Variants in SETBP1 observed in about 807,000 individuals in gnomAD.
SETBP1 encodes SET-binding protein.
Under a neutral mutation model 101.0 loss-of-function variants are expected in SETBP1, and 9 were observed. The ratio of observed to expected loss-of-function variants is 0.09; its 90% confidence interval spans 0.05 to 0.16. The LOEUF (loss-of-function observed/expected upper bound fraction) is 0.16. Among genes scored for constraint, SETBP1 ranks in the 10% least tolerant of loss-of-function variants. The probability of loss-of-function intolerance (pLI) is 1.00; values close to 1 mark genes in which losing one functional copy is unlikely to be tolerated. For missense variants in SETBP1, 1,858 were observed against 2,033.8 expected (o/e 0.91, Z 1.66); for synonymous variants, 818 against 788.5 (o/e 1.04, Z -0.63).
chr18:44,862,689 A>G (rs1052280074), intron 2 of SETBP1, among the ~76,000 whole-genome samples: 1 of 152,238 alleles, frequency 6.6e-6, no homozygotes, highest in African/African-American at 2.4e-5. Context: ...TAACAGATCC[A>G]TAGTACAAGA....
chr18:45,037,321 T>C (rs2073417633), intron 4 of SETBP1, among the ~76,000 whole-genome samples: 1 of 152,322 alleles, frequency 6.6e-6, no homozygotes, highest in East Asian at 1.9e-4. Context: ...CCATATATTC[T>C]TAGTCATGTC....
Position 44,829,773 on chromosome 18 carries a change from G to A in SETBP1, c.487-39457G>A, listed in dbSNP as rs371883516. ...CCTTGTCTTTAATCTCTTTGATGTG[G>A]CACAGTCCCACTTATAAAATTTGGC... On this transcript the variant is annotated intron_variant, in intron 2 of 5. Coordinates refer to ENST00000649279, the MANE Select transcript of SETBP1 (RefSeq NM_015559.3). 9.9e-5 allele frequency among the ~76,000 whole-genome samples: 15 copies of A among 152,280 alleles called. No homozygotes were observed. In the East Asian group the frequency reaches 2.9e-3, roughly 29 times the overall value.
chr18:44,955,113 C>T (rs778711255), intron 4 of SETBP1, among the ~76,000 whole-genome samples: 3 of 152,200 alleles, frequency 2.0e-5, no homozygotes, highest in Admixed American at 6.5e-5. Flanking sequence ...AACGATTTTA[C>T]GAGGATTTGT....
chr18:44,943,947 G>A (rs1337965573), intron 3 of SETBP1, among the ~76,000 whole-genome samples: 1 of 151,014 alleles, frequency 6.6e-6, no homozygotes, highest in Admixed American at 6.6e-5. Flanking sequence ...TGATTCTACT[G>A]CCTCAGCCTC....
intron 2 of SETBP1, among the ~76,000 whole-genome samples, chr18:44,818,778 C>T (rs2072039955): frequency 6.6e-6 from 1 of 150,832 alleles, no homozygotes; most frequent in Non-Finnish European, 1.5e-5. Context: ...CACACACACA[C>T]ACTCCTCACC....
chr18:44,868,706 GGAAGGGAGGAA>G (rs2069191548), intron 2 of SETBP1, among the ~76,000 whole-genome samples: 1 of 17,772 alleles, frequency 5.6e-5, no homozygotes, highest in Non-Finnish European at 1.3e-4. Context: ...GAGGACGGAA[GGAAGGGAGGAA>G]GGAAGGAAGG....
At chr18:44,871,914 T>C (rs1057277569) in intron 3 of SETBP1, 2 of 152,200 alleles carry the variant, frequency 1.3e-5, no homozygotes, top group African/African-American at 4.8e-5. Context: ...CTGGTGCTGG[T>C]AGGCGGTACT....
chr18:44,891,219 C>G (rs2069762119), intron 3 of SETBP1, among the ~76,000 whole-genome samples: 1 of 152,064 alleles, frequency 6.6e-6, no homozygotes, highest in South Asian at 2.1e-4. Context: ...CTCCATGATT[C>G]AATTACCTCC....
At chr18:44,723,502 G>A (rs576663829) in intron 2 of SETBP1, among the ~76,000 whole-genome samples, 72 of 152,122 alleles carry the variant, frequency 4.7e-4, no homozygotes, top group Non-Finnish European at 9.3e-4. Context: ...GACAGTCGGC[G>A]GGGGGAAAAA....
chr18:44,745,014 G>A (rs922539189), intron 2 of SETBP1, among the ~76,000 whole-genome samples: 1 of 152,084 alleles, frequency 6.6e-6, no homozygotes, highest in Non-Finnish European at 1.5e-5. Context: ...TGCAAGCTGG[G>A]CCTCCCTTTG....
At position 44,950,747 on chromosome 18, in the gene SETBP1, A is replaced by C; in HGVS notation, c.1407A>C (p.Lys469Asn). ...ATCCCCGTGTCCCTAAGTTGAGTAA[A>C]ATGATAGAGAATGAGTCCCCCTCAG... ...KKDPRVPKLS[K>N]MIENESPSVG... The change falls in exon 4 of 6, where the codon AAA becomes AAC. Residue 469 changes from lysine (K) to asparagine (N), a missense_variant. Physicochemically the swap from Lys to Asn is moderately conservative, Grantham distance 94. This residue lies in a region of SETBP1 where 581 missense variants were observed against 535.1 expected (regional missense o/e 1.09). Transcript: ENST00000649279. 6.2e-7 allele frequency: 1 copy of C among 1,614,132 alleles called. No homozygotes were observed. Among genetic ancestry groups the C allele is most frequent in the South Asian group, 1.1e-5 (1 of 91,076 alleles).
rs575377629 is a variant in SETBP1, at chr18:44,995,304, A to G, written c.4000+41964A>G. 8.3e-4 allele frequency among the ~76,000 whole-genome samples: 126 copies of G among 151,576 alleles called. 1 individual carries two copies. Among genetic ancestry groups the G allele is most frequent in the Admixed American group, 4.6e-4 (7 of 15,220 alleles). On this transcript the variant is annotated intron_variant, in intron 4 of 5. Transcript: ENST00000649279. ...CTACAGGCACCTGCCACCATGCCCGACTAATTTTTTGTATTTTTAGTAGAG... is the reference window on the plus strand; with the variant it reads ...CTACAGGCACCTGCCACCATGCCCGGCTAATTTTTTGTATTTTTAGTAGAG...
chr18:44,857,072 T>G (rs767694303), intron 2 of SETBP1, among the ~76,000 whole-genome samples: 2 of 152,256 alleles, frequency 1.3e-5, no homozygotes, highest in African/African-American at 2.4e-5. Context: ...TGAGAATAGT[T>G]GCACAGCATT....
intron 3 of SETBP1, chr18:44,876,747 A>G: frequency 2.0e-6 from 3 of 1,527,602 alleles, no homozygotes; most frequent in Non-Finnish European, 2.6e-6. Context: ...GGGCACAAGA[A>G]GTATAACTTC....
chr18:44,803,154 G>A (rs1052562138), intron 2 of SETBP1, among the ~76,000 whole-genome samples: 1 of 152,132 alleles, frequency 6.6e-6, no homozygotes, highest in African/African-American at 2.4e-5. Flanking sequence ...CTTAGGAACC[G>A]AGAGTAATGA....
chr18:44,953,675 G>C (rs4890494), intron 4 of SETBP1, among the ~76,000 whole-genome samples: 1 of 152,148 alleles, frequency 6.6e-6, no homozygotes. Flanking sequence ...ACAGTTTGCT[G>C]TTTGGATACA....
At chr18:44,934,522 G>T (rs1371700932) in intron 3 of SETBP1, among the ~76,000 whole-genome samples, 1 of 152,100 alleles carries the variant, frequency 6.6e-6, no homozygotes, top group African/African-American at 2.4e-5. Flanking sequence ...AGGCAAAGCT[G>T]GGATTCGAAC....
chr18:45,005,944 CCT>C (rs2072716457), intron 4 of SETBP1, among the ~76,000 whole-genome samples: 1 of 137,422 alleles, frequency 7.3e-6, no homozygotes, highest in Non-Finnish European at 1.5e-5. Context: ...CTGCACCCGG[CCT>C]TTTTTTTTTT....
intron 2 of SETBP1, among the ~76,000 whole-genome samples, chr18:44,714,057 G>A (rs1321176129): frequency 1.3e-5 from 2 of 152,194 alleles, no homozygotes; most frequent in East Asian, 3.9e-4. Flanking sequence ...TAAATGAAAG[G>A]GCTGTTAAGT....
Sources: allele counts gnomAD v4.1 joint callset (sites outside exome capture counted in the v4.1 genomes callset), GRCh38; gene constraint gnomAD v4.1.1; regional missense constraint gnomAD v4.1.1; transcripts MANE v1.5; gene names NCBI Gene and HGNC (gene_info 2026-07-23, HGNC 2026-07-21).